The following CAND1 variants were observed in gnomAD, a reference collection of about 807,000 sequenced individuals.
The protein encoded by CAND1 is cullin associated and neddylation dissociated 1.
In CAND1, 7 loss-of-function variants were observed where a neutral mutation model predicts 108.5. The observed-to-expected ratio is 0.06, with a 90% CI of 0.04 to 0.12. The LOEUF (loss-of-function observed/expected upper bound fraction) is 0.12. Ranked by LOEUF, CAND1 falls within the 10% of genes least tolerant of loss-of-function variation. The pLI is 1.00. For synonymous variants in CAND1, 534 were observed against 512.0 expected, an observed-to-expected ratio of 1.04 and a Z score of -0.58; for missense variants, 941 against 1,448.7, an observed-to-expected ratio of 0.65 and a Z score of 5.69.
chr12:67,286,210 C>T (rs957735536), intron 2 of CAND1, among the ~76,000 whole-genome samples: 3 of 152,076 alleles, frequency 2.0e-5, no homozygotes, highest in African/African-American at 7.2e-5. Context: ...CGGGGTTTCA[C>T]CATGTTAGCC....
intron 1 of CAND1, among the ~76,000 whole-genome samples, chr12:67,279,721 A>G (rs1370255722): frequency 6.6e-6 from 1 of 152,120 alleles, no homozygotes; most frequent in African/African-American, 2.4e-5. Flanking sequence ...TTCTTAGTCC[A>G]GAGTTTCTTA....
chr12:67,303,858 C>T (rs1340304226), intron 8 of CAND1, among the ~76,000 whole-genome samples: 5 of 151,942 alleles, frequency 3.3e-5, no homozygotes, highest in Admixed American at 6.6e-5. Flanking sequence ...AGGACCTGTT[C>T]GATGGTTGCT....
At chr12:67,274,295 A>G (rs1281885392) in intron 1 of CAND1, among the ~76,000 whole-genome samples, 2 of 152,250 alleles carry the variant, frequency 1.3e-5, no homozygotes, top group African/African-American at 2.4e-5. Flanking sequence ...ACCCAGGGCA[A>G]TATGTAATTG....
At chr12:67,292,903 T>A in intron 3 of CAND1, 127 bp downstream of exon 3, 2 of 787,868 alleles carry the variant, frequency 2.5e-6, no homozygotes, top group Non-Finnish European at 4.2e-6. Context: ...AGGAATCCCT[T>A]TGGACAATTA....
intron 1 of CAND1, 41 bp downstream of exon 1, chr12:67,269,826 C>A: frequency 6.4e-7 from 1 of 1,551,422 alleles, no homozygotes; most frequent in Non-Finnish European, 8.8e-7. Context: ...TCGGGGTTCT[C>A]GCAGCCGCGG....
chr12:67,282,222 T>G (rs933789909), intron 2 of CAND1, 169 bp downstream of exon 2: 2 of 583,400 alleles, frequency 3.4e-6, no homozygotes, highest in African/African-American at 3.9e-5. Context: ...GTATATATAG[T>G]GTATTTCCTT....
At chr12:67,296,188 T>C (rs1378696053) in intron 4 of CAND1, among the ~76,000 whole-genome samples, 2 of 152,204 alleles carry the variant, frequency 1.3e-5, no homozygotes, top group Non-Finnish European at 2.9e-5. Flanking sequence ...CTTTTTGTCC[T>C]GTGCATGATT....
At chr12:67,286,646 T>C (rs1199727156) in intron 2 of CAND1, among the ~76,000 whole-genome samples, 3 of 151,824 alleles carry the variant, frequency 2.0e-5, no homozygotes, top group African/African-American at 7.3e-5. Context: ...TTAATTTTGG[T>C]TTTGAATTTA....
intron 2 of CAND1, among the ~76,000 whole-genome samples, chr12:67,284,327 A>G (rs970160902): frequency 3.3e-5 from 5 of 152,132 alleles, no homozygotes; most frequent in African/African-American, 7.2e-5. Flanking sequence ...AAATGTTCAA[A>G]ATAAAATATA....
At chr12:67,274,519 A>C (rs187862682) in intron 1 of CAND1, among the ~76,000 whole-genome samples, 4 of 152,328 alleles carry the variant, frequency 2.6e-5, no homozygotes, top group Admixed American at 1.3e-4. Context: ...TGTCTTACTA[A>C]ACGGAATCGT....
Position 67,281,499 on chromosome 12 carries a change from G to A in CAND1, c.69-411G>A, listed in dbSNP as rs17103657. Among the ~76,000 whole-genome samples the A allele has an allele frequency of 7.3e-3, 1,108 of 152,224 alleles. 20 individuals are homozygous for A. The highest frequency in any genetic ancestry group is 0.025 in the African/African-American group (1,041 of 41,526). On this transcript the variant is annotated intron_variant, in intron 1 of 14. Coordinates refer to ENST00000545606, the MANE Select transcript of CAND1 (RefSeq NM_018448.5). ...TTTTTGGTTAAGGGCTTCCTAGATA[G>A]AATTCAAATCTCATGTAAAGAAAAA...
At chr12:67,290,817 TGTACAGCA>T (rs1424884063) in intron 2 of CAND1, among the ~76,000 whole-genome samples, 1 of 152,154 alleles carries the variant, frequency 6.6e-6, no homozygotes, top group Non-Finnish European at 1.5e-5. Flanking sequence ...GGAACTGGGC[TGTACAGCA>T]GGAGGAGAGC....
intron 14 of CAND1, 31 bp downstream of exon 14, chr12:67,311,831 G>T: frequency 7.7e-7 from 1 of 1,294,606 alleles, no homozygotes; most frequent in South Asian, 1.2e-5. Context: ...ACCTAGGTCA[G>T]ACTTGGTGTA....
In CAND1 at chr12:67,315,281, C is replaced by T. The variant is rs867037698; in HGVS notation, c.*2451C>T. 3 of 152,276 alleles carry T rather than the reference C, an allele frequency of 2.0e-5. No individual in the cohort carries two copies. The highest frequency in any genetic ancestry group is 2.9e-5 in the Non-Finnish European group (2 of 68,116). The allele number at this position is 152,276 out of a possible 1,614,324, so 9.4% of individuals were successfully genotyped here. A position where few individuals can be genotyped will look rare whatever the true frequency, so the allele number is the denominator to read the frequency against. ...TATCCTGGCTAACACTGTGAAAACC[C>T]ATCTCTACTGAAAATACAAAAAATT... On this transcript the variant is annotated 3_prime_UTR_variant, in exon 15 of 15. Transcript: ENST00000545606.
intron 7 of CAND1, among the ~76,000 whole-genome samples, chr12:67,300,385 T>A (rs1441529778): frequency 6.6e-6 from 1 of 152,168 alleles, no homozygotes. Flanking sequence ...ATCTCACTTG[T>A]GAATCCAGAT....
rs1003698341 is a variant in CAND1, at chr12:67,313,584, G to C, written c.*754G>C. The C allele has an allele frequency of 3.3e-5, 5 of 152,428 alleles. No individual in the cohort carries two copies. The highest frequency in any genetic ancestry group is 1.2e-4 in the African/African-American group (5 of 41,406). The allele number at this position is 152,428 out of a possible 1,614,324, so 9.4% of individuals were successfully genotyped here. ...AAGAAAGGAGAATTTTTGAGACTTG[G>C]GTTTTCTTAATGCCAGTGTGAATTT... On this transcript the variant is annotated 3_prime_UTR_variant, in exon 15 of 15. Coordinates refer to ENST00000545606, the MANE Select transcript of CAND1 (RefSeq NM_018448.5).
chr12:67,278,999 A>G (rs2044595595), intron 1 of CAND1, among the ~76,000 whole-genome samples: 1 of 152,214 alleles, frequency 6.6e-6, no homozygotes. Flanking sequence ...AGCAAAAACT[A>G]GTACAGTACC....
intron 4 of CAND1, among the ~76,000 whole-genome samples, chr12:67,295,691 C>T (rs777896527): frequency 3.3e-5 from 5 of 152,178 alleles, no homozygotes; most frequent in South Asian, 2.1e-4. Flanking sequence ...TTCTGATTCT[C>T]ATATTCATTA....
In CAND1 at chr12:67,282,732, G is replaced by A. The variant is rs1239919998; in HGVS notation, c.212+679G>A. Among the ~76,000 whole-genome samples the A allele has an allele frequency of 2.0e-5, 3 of 152,120 alleles. No homozygotes were observed. In the East Asian group the frequency reaches 5.8e-4, roughly 29 times the overall value. On this transcript the variant is annotated intron_variant, in intron 2 of 14. Coordinates refer to ENST00000545606, the MANE Select transcript of CAND1 (RefSeq NM_018448.5). The stretch of plus-strand genomic sequence containing the variant: ...ATAAAATTCTTAATAAAGAATAGCA[G>A]CAGTTAAACCATAGTTAACTCAAAA...
Sources: gnomAD v4.1 joint callset for allele counts (sites outside exome capture counted in the v4.1 genomes callset) on GRCh38, gnomAD v4.1.1 for gene constraint, MANE v1.5 for transcripts, NCBI Gene and HGNC (gene_info 2026-07-23, HGNC 2026-07-21) for gene names.